The following CDH13 variants were observed in gnomAD, a reference collection of about 807,000 sequenced individuals.
CDH13 encodes cadherin 13, also known as cadherin-13.
CDH13 carries 24 observed loss-of-function variants against 63.8 expected under a neutral mutation model. The ratio of observed to expected loss-of-function variants is 0.38; its 90% CI spans 0.27 to 0.53. The LOEUF (loss-of-function observed/expected upper bound fraction) is 0.53. Ranked by LOEUF, CDH13 falls within the 20% of genes least tolerant of loss-of-function variation. The pLI is 0.85. For synonymous variants in CDH13, 503 were observed against 355.3 expected, an observed-to-expected ratio of 1.42 and a Z score of -4.67; for missense variants, 1,049 against 903.1, an observed-to-expected ratio of 1.16 and a Z score of -2.07.
intron 2 of CDH13, among the ~76,000 whole-genome samples, chr16:83,005,191 G>A (rs1355546121): frequency 6.6e-6 from 1 of 152,178 alleles, no homozygotes; most frequent in Non-Finnish European, 1.5e-5. Context: ...ATTTCTGCCA[G>A]GGCTTTAACC....
At chr16:83,389,246 T>C (rs6563901) in intron 6 of CDH13, among the ~76,000 whole-genome samples, 77,676 of 152,068 alleles carry the variant, frequency 0.51, 20,992 homozygotes, top group African/African-American at 0.7. Flanking sequence ...AATATAAAAC[T>C]ATAAAATTGC....
intron 2 of CDH13, among the ~76,000 whole-genome samples, chr16:82,969,981 A>C (rs1908462774): frequency 6.6e-6 from 1 of 151,662 alleles, no homozygotes; most frequent in Non-Finnish European, 1.5e-5. Context: ...GTACGTGTGC[A>C]GAACTTGTAG....
chr16:83,528,065 G>T (rs564354139), intron 7 of CDH13, among the ~76,000 whole-genome samples: 92 of 152,204 alleles, frequency 6.0e-4, no homozygotes, highest in South Asian at 1.5e-3. Context: ...CCAGAAGTGG[G>T]CCCCCTACAC....
chr16:83,386,301 T>G (rs1163037088), intron 6 of CDH13, among the ~76,000 whole-genome samples: 1 of 152,132 alleles, frequency 6.6e-6, no homozygotes, highest in Non-Finnish European at 1.5e-5. Context: ...AAAACCAGCA[T>G]CAGGACATTG....
chr16:83,348,263 C>G (rs1258470836), intron 6 of CDH13, among the ~76,000 whole-genome samples: 2 of 152,186 alleles, frequency 1.3e-5, no homozygotes, highest in Non-Finnish European at 2.9e-5. Flanking sequence ...ACACCACAGA[C>G]TCTTTGCAGG....
At chr16:83,313,666 A>AAAAAT (rs1555528954) in intron 5 of CDH13, among the ~76,000 whole-genome samples, 9 of 144,210 alleles carry the variant, frequency 6.2e-5, no homozygotes, top group Admixed American at 6.9e-5. Context: ...AAAAAAAAAA[A>AAAAAT]GGGAGGTCCT....
rs1282147743 is a variant in CDH13, at chr16:83,547,892, A to G, written c.961-54562A>G. Among the ~76,000 whole-genome samples the G allele has an allele frequency of 2.0e-5, 3 of 152,286 alleles. No homozygotes were observed. In the East Asian group the frequency reaches 5.8e-4, roughly 29 times the overall value. On this transcript the variant is annotated intron_variant, in intron 7 of 13. Transcript: ENST00000567109. ...CCTGCAGAAGCTATCCTGGGGCATC[A>G]GGAGCTGCTGGGGGAGGGAAATGGT... is the stretch of plus-strand genomic sequence containing the variant.
At chr16:83,437,566 A>C (rs778539723) in intron 6 of CDH13, among the ~76,000 whole-genome samples, 8 of 151,996 alleles carry the variant, frequency 5.3e-5, no homozygotes, top group Non-Finnish European at 1.0e-4. Flanking sequence ...AGTCCCAGCT[A>C]CTCGGGAGGC....
chr16:82,885,309 A>T (rs970423851), intron 2 of CDH13, among the ~76,000 whole-genome samples: 1 of 152,224 alleles, frequency 6.6e-6, no homozygotes, highest in African/African-American at 2.4e-5. Flanking sequence ...AAGAAAAAAA[A>T]TCATAAAAGA....
At chr16:82,834,108 A>G (rs540285502) in intron 1 of CDH13, among the ~76,000 whole-genome samples, 3 of 152,280 alleles carry the variant, frequency 2.0e-5, no homozygotes, top group African/African-American at 7.2e-5. Context: ...TATTTTTTAT[A>G]TTAATAACCC....
intron 1 of CDH13, among the ~76,000 whole-genome samples, chr16:82,742,895 G>C (rs986771766): frequency 7.2e-5 from 11 of 152,052 alleles, no homozygotes; most frequent in African/African-American, 2.7e-4. Context: ...AAATTGATTG[G>C]TTTAATTCCA....
At chr16:83,033,493 A>C (rs4430722) in intron 3 of CDH13, among the ~76,000 whole-genome samples, 6,725 of 152,254 alleles carry the variant, frequency 0.044, 216 homozygotes, top group Non-Finnish European at 0.067. Context: ...AGGCATACAC[A>C]TACTATATAT....
intron 6 of CDH13, among the ~76,000 whole-genome samples, chr16:83,353,741 CTCCTCTGCCCA>C (rs1376514198): frequency 6.6e-6 from 1 of 152,246 alleles, no homozygotes; most frequent in East Asian, 1.9e-4. Context: ...GTATCTGCCT[CTCCTCTGCCCA>C]TCACCCATGC....
At chr16:83,507,008 A>C (rs1337579442) in intron 7 of CDH13, among the ~76,000 whole-genome samples, 1 of 152,196 alleles carries the variant, frequency 6.6e-6, no homozygotes, top group African/African-American at 2.4e-5. Context: ...AGTTGCTTTA[A>C]AGCACTAAGT....
intron 7 of CDH13, among the ~76,000 whole-genome samples, chr16:83,497,760 A>T (rs1055778691): frequency 2.0e-5 from 3 of 152,256 alleles, no homozygotes; most frequent in African/African-American, 7.2e-5. Context: ...ATAGTTGGCC[A>T]GCACTGGTCT....
intron 4 of CDH13, among the ~76,000 whole-genome samples, chr16:83,158,963 A>G (rs955590105): frequency 2.0e-5 from 3 of 152,188 alleles, no homozygotes; most frequent in Non-Finnish European, 2.9e-5. Context: ...ATATATATTA[A>G]TAATTCACAA....
At chr16:82,909,218 T>C (rs1223154161) in intron 2 of CDH13, among the ~76,000 whole-genome samples, 1 of 151,360 alleles carries the variant, frequency 6.6e-6, no homozygotes, top group Non-Finnish European at 1.5e-5. Flanking sequence ...AATTCACAGA[T>C]GTGGAACCCA....
intron 6 of CDH13, among the ~76,000 whole-genome samples, chr16:83,351,163 A>C (rs1220780447): frequency 6.6e-6 from 1 of 151,758 alleles, no homozygotes; most frequent in African/African-American, 2.4e-5. Flanking sequence ...TTTTCAACCC[A>C]TTGACTGTTA....
chr16:83,463,745 C>T (rs1397000888), intron 6 of CDH13, among the ~76,000 whole-genome samples: 2 of 152,188 alleles, frequency 1.3e-5, no homozygotes, highest in African/African-American at 4.8e-5. Flanking sequence ...GTCAGGGCTG[C>T]AGTGAGCTAT....
Sources: allele counts gnomAD v4.1 joint callset (sites outside exome capture counted in the v4.1 genomes callset), GRCh38; gene constraint gnomAD v4.1.1; transcripts MANE v1.5; gene names NCBI Gene and HGNC (gene_info 2026-07-23, HGNC 2026-07-21).